The following TBC1D22A variants were observed in gnomAD, a reference collection of about 807,000 sequenced individuals.
The protein encoded by TBC1D22A is putative GTPase activator.
TBC1D22A carries 38 observed loss-of-function variants against 60.2 expected under a neutral mutation model. That is an observed-to-expected ratio of 0.63 (90% CI 0.49 to 0.83). The LOEUF is 0.83. Ranked by LOEUF, TBC1D22A falls within the 40% of genes least tolerant of loss-of-function variation. The pLI is 0.00. For missense variants in TBC1D22A, 628 were observed against 701.0 expected (o/e 0.90, Z 1.18); for synonymous variants, 302 against 281.7 (o/e 1.07, Z -0.72).
At chr22:46,903,037 G>A (rs566082210) in intron 7 of TBC1D22A, among the ~76,000 whole-genome samples, 9 of 152,322 alleles carry the variant, frequency 5.9e-5, no homozygotes, top group African/African-American at 1.4e-4. Context: ...TGCTGGGGCC[G>A]CCTCACGTCT....
At chr22:46,762,913 C>T (rs543046651) in intron 1 of TBC1D22A, 65 bp downstream of exon 1, 12 of 1,428,608 alleles carry the variant, frequency 8.4e-6, no homozygotes, top group African/African-American at 6.1e-5. Context: ...GCGTTGGCCT[C>T]CTGGGCTGCG....
intron 11 of TBC1D22A, among the ~76,000 whole-genome samples, chr22:47,093,802 G>T (rs1410347849): frequency 6.6e-6 from 1 of 152,176 alleles, no homozygotes; most frequent in Non-Finnish European, 1.5e-5. Flanking sequence ...TATTCTGGAT[G>T]TCTCTCCGAA....
intron 12 of TBC1D22A, among the ~76,000 whole-genome samples, chr22:47,160,759 T>C (rs1469228093): frequency 6.6e-6 from 1 of 152,084 alleles, no homozygotes; most frequent in Non-Finnish European, 1.5e-5. Context: ...GGGACCGAGA[T>C]GGCAAAGGGA....
Position 47,005,367 on chromosome 22 carries a change from CAT to C in TBC1D22A, c.1201+7659_1201+7660del, listed in dbSNP as rs375190482. Among the ~76,000 whole-genome samples, 541 of 151,510 alleles carry C rather than the reference CAT, an allele frequency of 3.6e-3. 3 individuals are homozygous for C. The highest frequency in any genetic ancestry group is 0.011 in the East Asian group (57 of 5,126). Reference sequence around the variant, plus strand: ...CCTCATATATACACACACCTCCACACATGTCTGTACACACATACCCCTATGCA... The same window carrying C: ...CCTCATATATACACACACCTCCACACGTCTGTACACACATACCCCTATGCA... On this transcript the variant is annotated intron_variant, in intron 10 of 12. Coordinates refer to ENST00000337137, the MANE Select transcript of TBC1D22A (RefSeq NM_014346.5).
intron 12 of TBC1D22A, among the ~76,000 whole-genome samples, chr22:47,153,197 C>A (rs978175736): frequency 6.6e-6 from 1 of 152,208 alleles, no homozygotes; most frequent in African/African-American, 2.4e-5. Context: ...CCTTTCCCTG[C>A]CAAGACAGCT....
chr22:46,985,720 T>A (rs1025222242), intron 9 of TBC1D22A, among the ~76,000 whole-genome samples: 3 of 152,216 alleles, frequency 2.0e-5, no homozygotes, highest in African/African-American at 7.2e-5. Context: ...CTGTGAACAC[T>A]CATGTCCACA....
intron 1 of TBC1D22A, among the ~76,000 whole-genome samples, chr22:46,772,675 T>G (rs1601803103): frequency 7.8e-6 from 1 of 128,822 alleles, no homozygotes; most frequent in South Asian, 2.4e-4. Flanking sequence ...GAGATGGGAG[T>G]CTCACTCTAT....
At chr22:46,816,635 A>G (rs1214894650) in intron 4 of TBC1D22A, among the ~76,000 whole-genome samples, 1 of 152,164 alleles carries the variant, frequency 6.6e-6, no homozygotes, top group Non-Finnish European at 1.5e-5. Context: ...GAAGTTAGCC[A>G]CGTGGTAGAT....
intron 11 of TBC1D22A, among the ~76,000 whole-genome samples, chr22:47,080,056 A>G (rs1025118909): frequency 6.6e-6 from 1 of 152,234 alleles, no homozygotes; most frequent in African/African-American, 2.4e-5. Context: ...TTTTTTAATG[A>G]TAAAAGATCT....
intron 11 of TBC1D22A, among the ~76,000 whole-genome samples, chr22:47,082,994 C>T (rs74696812): frequency 0.012 from 1,784 of 152,298 alleles, 31 homozygotes; most frequent in African/African-American, 0.041. Flanking sequence ...AAATTCATAC[C>T]GAGCAGTGCT....
intron 7 of TBC1D22A, among the ~76,000 whole-genome samples, chr22:46,903,568 C>T (rs1260337554): frequency 6.6e-6 from 1 of 152,164 alleles, no homozygotes; most frequent in Non-Finnish European, 1.5e-5. Context: ...CCAGCAAGGT[C>T]CTGAGGGAGT....
chr22:46,920,939 T>G (rs2070721914), intron 8 of TBC1D22A, among the ~76,000 whole-genome samples: 1 of 151,786 alleles, frequency 6.6e-6, no homozygotes, highest in Admixed American at 6.6e-5. Context: ...CCCGGCTAAT[T>G]TTTGTATTTT....
intron 4 of TBC1D22A, among the ~76,000 whole-genome samples, chr22:46,818,734 G>A (rs138311855): frequency 2.8e-4 from 43 of 152,268 alleles, no homozygotes; most frequent in African/African-American, 9.9e-4. Flanking sequence ...GTTTGATTCC[G>A]TATGAAATTT....
At chr22:46,846,979 G>A (rs2147254780) in intron 4 of TBC1D22A, among the ~76,000 whole-genome samples, 1 of 152,298 alleles carries the variant, frequency 6.6e-6, no homozygotes, top group South Asian at 2.1e-4. Context: ...TGTTTAGGCG[G>A]GTGTCCCCTT....
At chr22:47,119,906 C>CA (rs1357900341) in intron 12 of TBC1D22A, among the ~76,000 whole-genome samples, 4 of 152,208 alleles carry the variant, frequency 2.6e-5, no homozygotes, top group Admixed American at 2.6e-4. Context: ...CTCGTTACTG[C>CA]ATCCTTATGT....
chr22:47,007,465 C>T (rs1188408574), intron 10 of TBC1D22A, among the ~76,000 whole-genome samples: 5 of 152,320 alleles, frequency 3.3e-5, no homozygotes, highest in African/African-American at 9.6e-5. Flanking sequence ...GGCTTTCCTG[C>T]CCCAGAGATA....
intron 11 of TBC1D22A, among the ~76,000 whole-genome samples, chr22:47,045,822 G>A (rs926963321): frequency 2.0e-5 from 3 of 152,152 alleles, no homozygotes; most frequent in African/African-American, 7.2e-5. Flanking sequence ...GCTGCTGTAC[G>A]GATTGGTGTG....
intron 9 of TBC1D22A, among the ~76,000 whole-genome samples, chr22:46,980,056 T>C (rs892839804): frequency 6.6e-6 from 1 of 152,032 alleles, no homozygotes; most frequent in Non-Finnish European, 1.5e-5. Flanking sequence ...GTTAGGAGGA[T>C]TTGTACCCAG....
intron 11 of TBC1D22A, among the ~76,000 whole-genome samples, chr22:47,038,118 C>T (rs9615116): frequency 0.023 from 3,494 of 152,234 alleles, 99 homozygotes; most frequent in African/African-American, 0.071. Context: ...GGGGTTTACG[C>T]GCCAGCCTTT....
Sources: gnomAD v4.1 joint callset for allele counts (sites outside exome capture counted in the v4.1 genomes callset) on GRCh38, gnomAD v4.1.1 for gene constraint, MANE v1.5 for transcripts, NCBI Gene and HGNC (gene_info 2026-07-23, HGNC 2026-07-21) for gene names.